Variants in FRY observed in about 807,000 individuals in gnomAD.
FRY encodes the protein FRY microtubule binding protein.
A neutral mutation model predicts 348.4 loss-of-function variants in FRY; 128 were observed. That is an observed-to-expected ratio of 0.37 (90% CI 0.32 to 0.43). The LOEUF is 0.43. Among genes scored for constraint, FRY ranks in the 20% least tolerant of loss-of-function variants. The probability of loss-of-function intolerance (pLI) is 1.00; values close to 1 mark genes in which losing one functional copy is unlikely to be tolerated. For synonymous variants in FRY, 1,370 were observed against 1,374.7 expected (o/e 1.00, Z 0.08); for missense variants, 2,736 against 3,695.2 (o/e 0.74, Z 6.73).
At chr13:32,254,470 A>T (rs1446269297) in intron 51 of FRY, 76 bp downstream of exon 51, 3 of 1,286,848 alleles carry the variant, frequency 2.3e-6, no homozygotes, top group Non-Finnish European at 3.4e-6. Context: ...TTACCTGCTA[A>T]ATAATGAGTT....
intron 4 of FRY, among the ~76,000 whole-genome samples, chr13:32,121,575 G>T (rs1367684408): frequency 2.6e-5 from 4 of 152,068 alleles, no homozygotes; most frequent in Non-Finnish European, 4.4e-5. Context: ...CCATTTGTAT[G>T]TCTTCTTCTG....
rs141962874 is a variant in FRY at position 32,229,759 on chromosome 13, G to A, written c.5405+1105G>A. Among the ~76,000 whole-genome samples, 300 of 152,292 alleles carry A rather than the reference G, an allele frequency of 2.0e-3. 3 individuals carry two copies. The highest frequency in any genetic ancestry group is 0.015 in the Admixed American group (230 of 15,298). ...TCAGTTTGATTGTACGGTATTTGCAGCTTGATGTGATCCTGATAAAAGCCT... is the reference window on the plus strand; with the variant it reads ...TCAGTTTGATTGTACGGTATTTGCAACTTGATGTGATCCTGATAAAAGCCT... On this transcript the variant is annotated intron_variant, in intron 40 of 60. Coordinates refer to ENST00000542859, the MANE Select transcript of FRY (RefSeq NM_023037.3).
In FRY at chr13:32,174,395, G is replaced by A. The variant is rs141888540; in HGVS notation, c.2334+846G>A. Among the ~76,000 whole-genome samples the A allele has an allele frequency of 3.1e-3, 470 of 152,202 alleles. 4 individuals carry two copies. Among genetic ancestry groups the A allele is most frequent in the African/African-American group, 0.01 (436 of 41,540 alleles). On this transcript the variant is annotated intron_variant, in intron 19 of 60. Coordinates refer to ENST00000542859, the MANE Select transcript of FRY (RefSeq NM_023037.3). ...AATCTCTAAGACATATTATATTTTA[G>A]CAAACCTTCATCAAGTTTGTAATTA...
chr13:32,206,913 A>T (rs1363509226), intron 31 of FRY, among the ~76,000 whole-genome samples: 7 of 152,232 alleles, frequency 4.6e-5, no homozygotes, highest in Non-Finnish European at 1.0e-4. Context: ...GAACAAGAGC[A>T]TCCCACTGAT....
intron 3 of FRY, among the ~76,000 whole-genome samples, chr13:32,106,341 G>A (rs1292851547): frequency 6.6e-6 from 1 of 151,920 alleles, no homozygotes; most frequent in Non-Finnish European, 1.5e-5. Flanking sequence ...AATACAGCCT[G>A]TGCTTTTTAC....
chr13:32,201,833 T>C (rs966633137), intron 29 of FRY, 108 bp from the exon 30 acceptor site: 6 of 753,548 alleles, frequency 8.0e-6, no homozygotes, highest in Non-Finnish European at 1.2e-5. Flanking sequence ...AGAATGTCAC[T>C]AATAAGTGAC....
At position 32,147,872 on chromosome 13, in the gene FRY, CA is replaced by C. The variant is rs1227523896; in HGVS notation, c.1320del (p.Ser442ProfsTer11). On this transcript the variant is annotated frameshift_variant, in exon 13 of 61. Coordinates refer to ENST00000542859, the MANE Select transcript of FRY (RefSeq NM_023037.3). LOFTEE classifies it high-confidence loss of function. ...LITIITTLFP[K>X]GSRGVVPRDM... ...TAACCATCATCACAACACTTTTCCC[CA>C]AAGGGTCCCGCGGTGTGGTACCAAG... The C allele has an allele frequency of 6.2e-7, 1 of 1,610,906 alleles. No individual in the cohort carries two copies. The highest frequency in any genetic ancestry group is 8.5e-7 in the Non-Finnish European group (1 of 1,177,206).
At chr13:32,219,881 C>T (rs760141949) in intron 36 of FRY, among the ~76,000 whole-genome samples, 3 of 152,148 alleles carry the variant, frequency 2.0e-5, no homozygotes, top group Non-Finnish European at 4.4e-5. Context: ...CTATTGAAAG[C>T]CTTGCTAACC....
chr13:32,068,581 A>G (rs191606015), intron 1 of FRY, among the ~76,000 whole-genome samples: 320 of 152,370 alleles, frequency 2.1e-3, no homozygotes, highest in African/African-American at 7.3e-3. Context: ...TGTTACTGTC[A>G]TATCTCTCAG....
In FRY at chr13:32,228,586, A is replaced by G. The variant is rs758796319; in HGVS notation, c.5337A>G (p.Val1779=). ...SGNLPQMTQE[V]EDVDTAAETD... Reference sequence around the variant, plus strand: ...ACCTCCCACAGATGACCCAGGAGGTAGAAGATGTGGACACAGCTGCTGAAA... The same window carrying G: ...ACCTCCCACAGATGACCCAGGAGGTGGAAGATGTGGACACAGCTGCTGAAA... The change falls in exon 40 of 61, where the codon GTA becomes GTG. Residue 1779 remains valine, a synonymous_variant. Transcript: ENST00000542859. 8 of 1,614,110 alleles carry G rather than the reference A, an allele frequency of 5.0e-6. No homozygotes were observed. In the East Asian group the frequency reaches 1.6e-4, roughly 31 times the overall value.
rs193195057 is a variant in FRY, at chr13:32,154,270, T to G, written c.1480-1221T>G. On this transcript the variant is annotated intron_variant, in intron 14 of 60. Coordinates refer to ENST00000542859, the MANE Select transcript of FRY (RefSeq NM_023037.3). ...CACGGATTATTTTTTAAAGTAATAT[T>G]CTTTCATTCTAGAAAATGGAGAAAG... 7.7e-4 allele frequency among the ~76,000 whole-genome samples: 118 copies of G among 152,316 alleles called. 1 individual carries two copies. The highest frequency in any genetic ancestry group is 2.7e-3 in the African/African-American group (112 of 41,576).
intron 1 of FRY, 69 bp downstream of exon 1, chr13:32,031,934 A>T (rs781108969): frequency 2.4e-6 from 2 of 841,106 alleles, no homozygotes; most frequent in Non-Finnish European, 4.1e-6. Context: ...GAGACAGAAA[A>T]TCTCAACTGG....
intron 41 of FRY, among the ~76,000 whole-genome samples, chr13:32,232,968 C>T (rs1204714750): frequency 6.6e-6 from 1 of 151,812 alleles, no homozygotes; most frequent in Admixed American, 6.6e-5. Flanking sequence ...CACATAAAAT[C>T]ACAAAATCAT....
At position 32,124,369 on chromosome 13, in the gene FRY, T is replaced by G; in HGVS notation, c.548T>G (p.Leu183Trp). Residue 183 changes from leucine to tryptophan, a missense_variant, in exon 5 of 61, where the codon TTG (leucine) becomes TGG (tryptophan). Physicochemically the swap from Leu to Trp is moderately conservative, Grantham distance 61. This residue lies in a region of FRY where 309 missense variants were observed against 418.1 expected (regional missense o/e 0.74). Coordinates refer to ENST00000542859, the MANE Select transcript of FRY (RefSeq NM_023037.3). Reference protein sequence around the residue: ...FIFSLVLIEVLKQIPLHPVID... With the variant: ...FIFSLVLIEVWKQIPLHPVID... Reference sequence around the variant, plus strand: ...TTTTCTTTAGTATTAATAGAAGTTTTGAAACAGGTAGGTGATTAATTTATT... The same window carrying G: ...TTTTCTTTAGTATTAATAGAAGTTTGGAAACAGGTAGGTGATTAATTTATT... 6.7e-7 allele frequency: 1 copy of G among 1,486,190 alleles called. No individual in the cohort carries two copies. Among genetic ancestry groups the G allele is most frequent in the Non-Finnish European group, 9.4e-7 (1 of 1,064,358 alleles). 92.1% of individuals were successfully genotyped at this position (1,486,190 alleles called of 1,614,324 possible).
chr13:32,106,790 G>C (rs1208645851), intron 3 of FRY, among the ~76,000 whole-genome samples: 1 of 152,130 alleles, frequency 6.6e-6, no homozygotes, highest in Non-Finnish European at 1.5e-5. Context: ...AAAAGAAAAA[G>C]AAGAAAACCT....
intron 1 of FRY, among the ~76,000 whole-genome samples, chr13:32,046,133 T>C (rs1873005141): frequency 6.6e-6 from 1 of 152,190 alleles, no homozygotes; most frequent in Admixed American, 6.5e-5. Flanking sequence ...ACTAAGAGAC[T>C]GTCACTTCTT....
At chr13:32,187,517 T>C (rs2138271591) in intron 27 of FRY, 29 bp from the exon 28 acceptor site, 1 of 1,321,792 alleles carries the variant, frequency 7.6e-7, no homozygotes, top group South Asian at 1.2e-5. Context: ...AAGTTTCATT[T>C]CCATGTCTTG....
rs1376971778 is a variant in FRY, at chr13:32,128,692, T to G, written c.717-2980T>G. ...ATTGGAAATGCATTCACTGCCTAAT[T>G]CACTGGATTGTTAAGGATCAAAATG... On this transcript the variant is annotated intron_variant, in intron 7 of 60. Transcript: ENST00000542859. 6.6e-5 allele frequency among the ~76,000 whole-genome samples: 10 copies of G among 152,362 alleles called. No homozygotes were observed. The East Asian group carries it at 1.9e-3, about 29-fold the overall frequency.
intron 29 of FRY, among the ~76,000 whole-genome samples, chr13:32,199,121 G>T (rs946010489): frequency 6.6e-6 from 1 of 152,218 alleles, no homozygotes; most frequent in Non-Finnish European, 1.5e-5. Context: ...GAGAAATGAA[G>T]GAATTAGGAC....
Sources: gnomAD v4.1 joint callset for allele counts (sites outside exome capture counted in the v4.1 genomes callset) on GRCh38, gnomAD v4.1.1 for gene constraint, gnomAD v4.1.1 regional missense constraint, MANE v1.5 for transcripts, NCBI Gene and HGNC (gene_info 2026-07-23, HGNC 2026-07-21) for gene names.